The following TBL1Y variants were observed in gnomAD, a reference collection of about 807,000 sequenced individuals.
TBL1Y encodes F-box-like/WD repeat-containing protein TBL1Y.
A neutral mutation model predicts 12.0 loss-of-function variants in TBL1Y; 15 were observed. The ratio of observed to expected loss-of-function variants is 1.25; its 90% CI spans 0.83 to 1.92. TBL1Y has a LOEUF of 1.92. Ranked by LOEUF, TBL1Y falls within the 40% of genes most tolerant of loss-of-function variation. The pLI is 0.00. For missense variants in TBL1Y, 148 were observed against 116.7 expected, an observed-to-expected ratio of 1.27 and a Z score of -1.24; for synonymous variants, 53 against 42.6, an observed-to-expected ratio of 1.24 and a Z score of -0.95.
At chrY:7,075,374 G>A (rs1055763604) in intron 13 of TBL1Y, among the ~76,000 whole-genome samples, 5 of 33,715 alleles carry the variant, frequency 1.5e-4, no homozygotes, top group African/African-American at 5.8e-4. Flanking sequence ...TCCTGGAGAG[G>A]GAGAGAATCT....
At chrY:7,027,051 A>G (rs190958866) in intron 6 of TBL1Y, among the ~76,000 whole-genome samples, 6 of 32,719 alleles carry the variant, frequency 1.8e-4, no homozygotes, top group African/African-American at 7.2e-4. Flanking sequence ...CTACAGGCAT[A>G]CCAACGTGCC....
At chrY:6,922,250 A>G in intron 2 of TBL1Y, among the ~76,000 whole-genome samples, 1 of 34,137 alleles carries the variant, frequency 2.9e-5, no homozygotes, top group Non-Finnish European at 7.3e-5. Flanking sequence ...AGCAAGATCT[A>G]CTGCAAAGAG....
chrY:7,082,784 G>A lies in TBL1Y; in HGVS notation c.1077+1931G>A, dbSNP rs773949890. Among the ~76,000 whole-genome samples the A allele has an allele frequency of 2.6e-4, 9 of 34,187 alleles. No homozygotes were observed. The East Asian group carries it at 3.9e-3, about 15-fold the overall frequency. The allele number at this position is 34,187 out of a possible 37,273, so 91.7% of individuals were successfully genotyped here. A position where few individuals can be genotyped will look rare whatever the true frequency, so the allele number is the denominator to read the frequency against. Reference sequence around the variant, plus strand: ...CAGTGATCCCAGGAGGGCCCATGGCGTCTTGCCTTTCTCTCACCAGCATCC... The same window carrying A: ...CAGTGATCCCAGGAGGGCCCATGGCATCTTGCCTTTCTCTCACCAGCATCC... On this transcript the variant is annotated intron_variant, in intron 14 of 18. Transcript: ENST00000383032.
intron 7 of TBL1Y, among the ~76,000 whole-genome samples, chrY:7,045,649 C>A: frequency 3.0e-5 from 1 of 33,642 alleles, no homozygotes; most frequent in South Asian, 6.8e-4. Flanking sequence ...AGGATAGCTC[C>A]TTAATGGCCA....
intron 2 of TBL1Y, among the ~76,000 whole-genome samples, chrY:6,963,665 G>T: frequency 3.0e-5 from 1 of 33,796 alleles, no homozygotes; most frequent in African/African-American, 1.2e-4. Flanking sequence ...TTTTGCAGGG[G>T]CTCTCCAGGG....
intron 14 of TBL1Y, among the ~76,000 whole-genome samples, chrY:7,082,419 G>T: frequency 3.0e-5 from 1 of 33,056 alleles, no homozygotes; most frequent in Admixed American, 2.7e-4. Flanking sequence ...CCTTACTTCT[G>T]CAATCGCCGG....
intron 2 of TBL1Y, chrY:6,920,010 T>C (rs2011764717): frequency 3.0e-5 from 1 of 33,728 alleles, no homozygotes; most frequent in African/African-American, 1.2e-4. Context: ...CCTCCAGTCT[T>C]CCAGTACCAT....
chrY:7,089,683 G>A (rs771455668), intron 17 of TBL1Y, among the ~76,000 whole-genome samples: 1 of 33,296 alleles, frequency 3.0e-5, no homozygotes, highest in Non-Finnish European at 7.4e-5. Context: ...GCAGCTACTT[G>A]GGAGGCTGAG....
At chrY:6,979,321 C>G (rs542791793) in intron 3 of TBL1Y, among the ~76,000 whole-genome samples, 1 of 33,588 alleles carries the variant, frequency 3.0e-5, no homozygotes, top group African/African-American at 1.2e-4. Flanking sequence ...TGCTGTTCTC[C>G]TTATTTGAAT....
At chrY:7,045,582 G>A (rs781111862) in intron 7 of TBL1Y, among the ~76,000 whole-genome samples, 24 of 33,320 alleles carry the variant, frequency 7.2e-4, no homozygotes, top group African/African-American at 1.1e-3. Context: ...GGCTTGTGCC[G>A]TAGTTCTGAG....
At chrY:7,082,220 T>C in intron 14 of TBL1Y, among the ~76,000 whole-genome samples, 1 of 32,614 alleles carries the variant, frequency 3.1e-5, no homozygotes, top group African/African-American at 1.2e-4. Context: ...CATATGGTTA[T>C]CAAACATCAA....
chrY:6,987,644 A>G (rs2012329469), intron 3 of TBL1Y, among the ~76,000 whole-genome samples: 1 of 33,202 alleles, frequency 3.0e-5, no homozygotes, highest in East Asian at 7.9e-4. Context: ...GGTAAATGGA[A>G]TCATACAGCA....
At chrY:7,001,629 C>CA (rs2012453344) in intron 4 of TBL1Y, among the ~76,000 whole-genome samples, 2 of 31,508 alleles carry the variant, frequency 6.3e-5, no homozygotes, top group South Asian at 7.1e-4. Context: ...AAAAAAAAAA[C>CA]AAAAAAAAAC....
At chrY:7,062,995 T>G in intron 7 of TBL1Y, among the ~76,000 whole-genome samples, 10 of 33,208 alleles carry the variant, frequency 3.0e-4, no homozygotes, top group Admixed American at 2.7e-3. Context: ...GAGGATCCTT[T>G]AAGGTAGGAT....
At chrY:6,997,023 T>C (rs2012415344) in intron 4 of TBL1Y, among the ~76,000 whole-genome samples, 1 of 33,788 alleles carries the variant, frequency 3.0e-5, no homozygotes, top group Non-Finnish European at 7.3e-5. Flanking sequence ...ATAAGGTAAA[T>C]ACCAGTAGTT....
chrY:6,981,546 C>T, intron 3 of TBL1Y, among the ~76,000 whole-genome samples: 1 of 33,154 alleles, frequency 3.0e-5, no homozygotes, highest in Non-Finnish European at 7.4e-5. Flanking sequence ...AGAATATATT[C>T]CACCAAAGTG....
intron 2 of TBL1Y, chrY:6,919,343 C>A (rs2011760536): frequency 3.0e-5 from 1 of 33,237 alleles, no homozygotes; most frequent in South Asian, 7.0e-4. Flanking sequence ...CAGAGATGTC[C>A]ATGGTGCTAT....
chrY:6,985,231 G>A, intron 3 of TBL1Y, among the ~76,000 whole-genome samples: 2 of 33,619 alleles, frequency 5.9e-5, no homozygotes, highest in East Asian at 7.9e-4. Flanking sequence ...AGGACAGGGC[G>A]CCAGCCTGAA....
At chrY:7,032,901 G>A in intron 6 of TBL1Y, among the ~76,000 whole-genome samples, 1 of 33,392 alleles carries the variant, frequency 3.0e-5, no homozygotes, top group Admixed American at 2.7e-4. Context: ...AAATTGACAC[G>A]CTAACATCAC....
Sources: gnomAD v4.1 joint callset for allele counts (sites outside exome capture counted in the v4.1 genomes callset) on GRCh38, gnomAD v4.1.1 for gene constraint, MANE v1.5 for transcripts, NCBI Gene and HGNC (gene_info 2026-07-23, HGNC 2026-07-21) for gene names.